The following SACM1L variants were observed in gnomAD, a reference collection of about 807,000 sequenced individuals.
The protein encoded by SACM1L is SAC1 like phosphatidylinositide phosphatase, also known as phosphatidylinositol-3-phosphatase SAC1.
SACM1L carries 32 observed loss-of-function variants against 89.5 expected under a neutral mutation model. The observed-to-expected ratio is 0.36, with a 90% CI of 0.27 to 0.48. The LOEUF (loss-of-function observed/expected upper bound fraction) is 0.48. SACM1L is among the 20% of genes least tolerant of loss of function. The pLI is 0.99. For synonymous variants in SACM1L, 213 were observed against 232.8 expected (o/e 0.92, Z 0.77); for missense variants, 543 against 708.5 (o/e 0.77, Z 2.65).
At chr3:45,715,229 C>T (rs1322477543) in intron 7 of SACM1L, among the ~76,000 whole-genome samples, 2 of 152,040 alleles carry the variant, frequency 1.3e-5, no homozygotes, top group Admixed American at 6.5e-5. Flanking sequence ...CTGAAGAAAA[C>T]GGTGATGACA....
At chr3:45,699,332 T>TA (rs1236235154) in intron 1 of SACM1L, among the ~76,000 whole-genome samples, 3 of 150,914 alleles carry the variant, frequency 2.0e-5, no homozygotes, top group Non-Finnish European at 4.4e-5. Context: ...ATGGTAAAAA[T>TA]AAAAAAATAA....
intron 19 of SACM1L, among the ~76,000 whole-genome samples, chr3:45,741,478 G>A (rs768165608): frequency 1.3e-5 from 2 of 152,236 alleles, no homozygotes; most frequent in South Asian, 4.1e-4. Context: ...TAAAGACTGT[G>A]TCTTACTCAT....
chr3:45,706,189 T>C (rs1394127435), intron 3 of SACM1L, among the ~76,000 whole-genome samples: 1 of 152,208 alleles, frequency 6.6e-6, no homozygotes, highest in African/African-American at 2.4e-5. Flanking sequence ...AGGGTTACTC[T>C]GTTTTATGTA....
intron 7 of SACM1L, among the ~76,000 whole-genome samples, chr3:45,717,324 A>G (rs1000893529): frequency 1.3e-5 from 2 of 152,248 alleles, no homozygotes; most frequent in African/African-American, 2.4e-5. Context: ...GAGCAATACC[A>G]TGAACGTCAC....
chr3:45,707,336 ATATT>A (rs1184828224), intron 4 of SACM1L: 1 of 154,962 alleles, frequency 6.5e-6, no homozygotes, highest in Non-Finnish European at 1.4e-5. Context: ...AAATGTGTAT[ATATT>A]CTTTCAGGCA....
intron 18 of SACM1L, 66 bp downstream of exon 18, chr3:45,738,939 A>G (rs1248884003): frequency 5.2e-6 from 5 of 960,872 alleles, no homozygotes; most frequent in Non-Finnish European, 1.6e-6. Context: ...AGATGGTTTC[A>G]GTCTCAATTT....
At chr3:45,703,667 T>C (rs1430951664) in intron 2 of SACM1L, 132 bp downstream of exon 2, 1 of 513,804 alleles carries the variant, frequency 1.9e-6, no homozygotes, top group Non-Finnish European at 3.4e-6. Flanking sequence ...TTTTTATTCT[T>C]GCTACCTCAT....
intron 13 of SACM1L, chr3:45,734,609 G>A (rs1699158514): frequency 6.6e-6 from 1 of 151,962 alleles, no homozygotes. Flanking sequence ...ACCATGCCTG[G>A]CTACGTTTTT....
chr3:45,691,959 G>T (rs560458296), intron 1 of SACM1L, among the ~76,000 whole-genome samples: 1 of 152,246 alleles, frequency 6.6e-6, no homozygotes, highest in African/African-American at 2.4e-5. Flanking sequence ...TTAGCCATCT[G>T]TATATTCTAG....
intron 5 of SACM1L, among the ~76,000 whole-genome samples, chr3:45,710,138 CTA>C (rs1466477210): frequency 1.3e-5 from 2 of 151,650 alleles, no homozygotes; most frequent in East Asian, 3.9e-4. Flanking sequence ...ATTTTTATAA[CTA>C]AAAATGTAAC....
chr3:45,729,073 G>GATTTATTT (rs201695617), intron 11 of SACM1L, among the ~76,000 whole-genome samples: 138 of 151,282 alleles, frequency 9.1e-4, no homozygotes, highest in Middle Eastern at 3.4e-3. Flanking sequence ...TACCTTTTTG[G>GATTTATTT]ATTTATTTAT....
chr3:45,737,090 CTA>C (rs1220576958), intron 14 of SACM1L, among the ~76,000 whole-genome samples: 3 of 152,136 alleles, frequency 2.0e-5, no homozygotes, highest in Admixed American at 2.0e-4. Flanking sequence ...CTGGGATATT[CTA>C]TGTCTGTGTG....
intron 1 of SACM1L, among the ~76,000 whole-genome samples, chr3:45,701,980 C>T (rs1220425783): frequency 2.6e-5 from 4 of 152,110 alleles, no homozygotes; most frequent in African/African-American, 7.2e-5. Context: ...ATGATATATC[C>T]GTACAATGGA....
rs759586930 is a variant in SACM1L, at chr3:45,703,429, T to C, written c.33-9T>C. ...TGGTTAGTTATTTATGTTTTACATT[T>C]CTTCTTAGGCATATCACACCTGAAA... On this transcript the variant is annotated splice_polypyrimidine_tract_variant and intron_variant, in intron 1 of 19. Coordinates refer to ENST00000389061, the MANE Select transcript of SACM1L (RefSeq NM_014016.5). 1.9e-6 allele frequency: 3 copies of C among 1,586,748 alleles called. No homozygotes were observed. Among genetic ancestry groups the C allele is most frequent in the Admixed American group, 3.3e-5 (2 of 59,810 alleles).
chr3:45,739,831 TGTC>T, intron 19 of SACM1L, 187 bp downstream of exon 19: 2 of 625,900 alleles, frequency 3.2e-6, no homozygotes, highest in East Asian at 2.7e-5. Context: ...GTTTGATGGT[TGTC>T]GTTTTTTTTA....
chr3:45,696,831 A>G (rs1315015329), intron 1 of SACM1L, among the ~76,000 whole-genome samples: 1 of 152,206 alleles, frequency 6.6e-6, no homozygotes, highest in Non-Finnish European at 1.5e-5. Flanking sequence ...GAAAATCGCA[A>G]TGCCAACACT....
At chr3:45,693,695 C>T (rs1698056963) in intron 1 of SACM1L, among the ~76,000 whole-genome samples, 2 of 152,260 alleles carry the variant, frequency 1.3e-5, no homozygotes, top group South Asian at 4.1e-4. Flanking sequence ...CCAGATTGCT[C>T]TCGCATTAGT....
chr3:45,737,352 C>A (rs547889070), intron 14 of SACM1L: 63 of 557,808 alleles, frequency 1.1e-4, no homozygotes, highest in Non-Finnish European at 1.9e-4. Context: ...TGCTATCCCT[C>A]AAGGGAGTGC....
chr3:45,705,039 G>T, intron 2 of SACM1L, 96 bp from the exon 3 acceptor site: 1 of 721,154 alleles, frequency 1.4e-6, no homozygotes. Context: ...CATGCAAATT[G>T]ATGTAGTCAA....
Sources: allele counts gnomAD v4.1 joint callset (sites outside exome capture counted in the v4.1 genomes callset), GRCh38; gene constraint gnomAD v4.1.1; transcripts MANE v1.5; gene names NCBI Gene and HGNC (gene_info 2026-07-23, HGNC 2026-07-21).